Variants in PPFIA4 observed in about 807,000 individuals in gnomAD.
The protein encoded by PPFIA4 is PPFI scaffold protein A4.
Under a neutral mutation model 145.7 loss-of-function variants are expected in PPFIA4, and 98 were observed. That is an observed-to-expected ratio of 0.67 (90% CI 0.57 to 0.80). The LOEUF is 0.80. Ranked by LOEUF, PPFIA4 falls within the 30% of genes least tolerant of loss-of-function variation. The pLI is 0.00. For missense variants in PPFIA4, 1,457 were observed against 1,632.7 expected (o/e 0.89, Z 1.85); for synonymous variants, 628 against 649.6 (o/e 0.97, Z 0.51).
At chr1:203,059,670 T>C (rs1661224043) in intron 20 of PPFIA4, 100 bp from the exon 21 acceptor site, 2 of 940,234 alleles carry the variant, frequency 2.1e-6, no homozygotes, top group Non-Finnish European at 3.4e-6. Flanking sequence ...GGAGCAAGGG[T>C]TGTGGGTCTC....
In PPFIA4 at chr1:203,075,695, G is replaced by A. The variant is rs1381668960; in HGVS notation, c.3512G>A (p.Arg1171His). 5.4e-6 allele frequency: 8 copies of A among 1,485,926 alleles called. No individual in the cohort carries two copies. The highest frequency in any genetic ancestry group is 4.7e-5 in the Admixed American group (2 of 42,188). The allele number at this position is 1,485,926 out of a possible 1,614,324, so 92.0% of individuals were successfully genotyped here. The change falls in exon 29 of 30, where the codon CGT (arginine) becomes CAT (histidine). Residue 1171 changes from arginine (R) to histidine (H), a missense_variant. Coordinates refer to ENST00000295706, the MANE Select transcript of PPFIA4 (RefSeq NM_001304331.2). This position sits in a 1 kb window ranked among gnomAD's most constrained non-coding sequence, Gnocchi z 4.1. ...ASAETLPAGF[R>H]VSTLGTLQPP... ...GCGGAGACCCTCCCGGCGGGCTTCC[G>A]TGTGTCCACCCTGGGGACCCTGCAG...
intron 29 of PPFIA4, 23 bp from the exon 30 acceptor site, chr1:203,076,318 G>A (rs746267826): frequency 8.7e-6 from 14 of 1,600,624 alleles, no homozygotes; most frequent in Non-Finnish European, 1.2e-5. Context: ...ACAGTGCGAT[G>A]CCTGTCTCTC....
Position 203,066,169 on chromosome 1 carries a change from T to C in PPFIA4, c.3051-1526T>C, listed in dbSNP as rs189734815. On this transcript the variant is annotated intron_variant, in intron 25 of 29. Coordinates refer to ENST00000295706, the MANE Select transcript of PPFIA4 (RefSeq NM_001304331.2). ...GGACTGAAAATTATAGTGAGTGAGA[T>C]TGAAATTAGACAGAAGGCATTTCCA... 6.6e-5 allele frequency among the ~76,000 whole-genome samples: 10 copies of C among 152,292 alleles called. No homozygotes were observed. In the East Asian group the frequency reaches 1.7e-3, roughly 26 times the overall value.
intron 24 of PPFIA4, 138 bp from the exon 25 acceptor site, chr1:203,063,690 C>G: frequency 1.3e-6 from 1 of 786,842 alleles, no homozygotes; most frequent in Non-Finnish European, 2.1e-6. Flanking sequence ...TGAAGATAAA[C>G]TGAAATTGTA....
In PPFIA4 at chr1:203,060,075, G is replaced by T; in HGVS notation, c.2584-142G>T. On this transcript the variant is annotated intron_variant, in intron 21 of 29. Transcript: ENST00000295706. The surrounding 1 kb of genome is among the most constrained non-coding windows in gnomAD (Gnocchi z 4.8). Reference sequence around the variant, plus strand: ...AATCTGTAAAATGGGAGAGTGAGGGGTTTGATGACCGCCACATTCCTATGA... The same window carrying T: ...AATCTGTAAAATGGGAGAGTGAGGGTTTTGATGACCGCCACATTCCTATGA... 1.2e-6 allele frequency: 1 copy of T among 830,810 alleles called. No homozygotes were observed. Among genetic ancestry groups the T allele is most frequent in the East Asian group, 2.7e-5 (1 of 37,440 alleles). 51.5% of individuals were successfully genotyped at this position (830,810 alleles called of 1,614,324 possible).
intron 19 of PPFIA4, among the ~76,000 whole-genome samples, chr1:203,058,235 G>A (rs1661113899): frequency 1.3e-5 from 2 of 152,158 alleles, no homozygotes; most frequent in Non-Finnish European, 2.9e-5. Flanking sequence ...GCGAGGAGGA[G>A]GTTGGGGAAA....
At position 203,046,252 on chromosome 1, in the gene PPFIA4, A is replaced by G; in HGVS notation, c.1010A>G (p.Glu337Gly). 1 of 1,591,030 alleles carries G rather than the reference A, an allele frequency of 6.3e-7. No homozygotes were observed. The highest frequency in any genetic ancestry group is 8.6e-7 in the Non-Finnish European group (1 of 1,169,514). The change falls in exon 9 of 30, where the codon GAG becomes GGG. Residue 337 changes from glutamate to glycine, a missense_variant. This residue lies in a region of PPFIA4 where 463 missense variants were observed against 459.8 expected (regional missense o/e 1.01). Transcript: ENST00000295706. ...TCACCACCCCCACATTGCTAGTGTG[A>G]GGAGAAGGCCCGACACCTGCAGGAG... ...ANKESLHRQC[E>G]EKARHLQELL...
chr1:203,063,443 C>T (rs1457605689), intron 24 of PPFIA4: 1 of 192,688 alleles, frequency 5.2e-6, no homozygotes, highest in Non-Finnish European at 1.1e-5. Flanking sequence ...GTAACACAGC[C>T]TCTCCCCTGG....
At chr1:203,052,047 C>CCCG (rs1553257058) in intron 14 of PPFIA4, among the ~76,000 whole-genome samples, 170 bp downstream of exon 14, 1 of 133,788 alleles carries the variant, frequency 7.5e-6, no homozygotes, top group Non-Finnish European at 1.6e-5. Flanking sequence ...ACAGCTGTGC[C>CCCG]CCCCCCCCCG....
Position 203,068,332 on chromosome 1 carries a change from TG to T in PPFIA4, c.3149-116del. The T allele has an allele frequency of 2.4e-6, 2 of 816,348 alleles. No individual in the cohort carries two copies. The highest frequency in any genetic ancestry group is 1.8e-6 in the Non-Finnish European group (1 of 558,868). 50.6% of individuals were successfully genotyped at this position (816,348 alleles called of 1,614,324 possible). ...AAGATATGGAAATTTAGGGATGGAG[TG>T]GGGGTCAGAGAGCAGGGTGGACTGC... On this transcript the variant is annotated intron_variant, in intron 26 of 29. Coordinates refer to ENST00000295706, the MANE Select transcript of PPFIA4 (RefSeq NM_001304331.2). This position sits in a 1 kb window ranked among gnomAD's most constrained non-coding sequence, Gnocchi z 4.7.
At chr1:203,044,236 GT>G in intron 4 of PPFIA4, 141 bp downstream of exon 4, 1 of 1,179,056 alleles carries the variant, frequency 8.5e-7, no homozygotes, top group Non-Finnish European at 1.2e-6. Flanking sequence ...AGGTCCTCCT[GT>G]TAGGCTCCCT....
rs1164457652 is a variant in PPFIA4, at chr1:203,056,936, G to A, written c.2393G>A (p.Gly798Glu). 3.1e-6 allele frequency: 5 copies of A among 1,614,050 alleles called. No homozygotes were observed. Among genetic ancestry groups the A allele is most frequent in the South Asian group, 1.1e-5 (1 of 91,088 alleles). Residue 798 changes from glycine to glutamate, a missense_variant, in exon 19 of 30, where the codon GGA becomes GAA. Around this residue, in one of 3 missense-constraint regions of PPFIA4, gnomAD observed 848 missense variants for 1,046.7 expected, o/e 0.81. Transcript: ENST00000295706. ...KGRLIQLSRD[G>E]ATGHVLLTDS... The stretch of plus-strand genomic sequence containing the variant: ...AGGCTGATCCAGCTGAGTCGGGATG[G>A]AGCCACAGGCCATGGTCTCTGTCCC...
At chr1:203,057,989 A>G (rs1661091383) in intron 19 of PPFIA4, among the ~76,000 whole-genome samples, 1 of 151,834 alleles carries the variant, frequency 6.6e-6, no homozygotes, top group Non-Finnish European at 1.5e-5. Context: ...CGGAGTGGGG[A>G]GATGGGACTG....
intron 9 of PPFIA4, among the ~76,000 whole-genome samples, chr1:203,047,263 GA>G (rs1453334224): frequency 6.6e-6 from 1 of 152,060 alleles, no homozygotes. Flanking sequence ...TGCGACCTGG[GA>G]AAAGTCATCC....
At position 203,044,059 on chromosome 1, in the gene PPFIA4, G is replaced by A; in HGVS notation, c.465G>A (p.Lys155=). 2 of 1,609,586 alleles carry A rather than the reference G, an allele frequency of 1.2e-6. No homozygotes were observed. The highest frequency in any genetic ancestry group is 1.1e-5 in the South Asian group (1 of 90,696). Residue 155 remains lysine, a synonymous_variant, in exon 4 of 30, where the codon AAG becomes AAA. Transcript: ENST00000295706. ...SSEVEVLKAL[K]SLFEHHKALD... ...AGGTGGAGGTGCTGAAGGCCCTCAA[G>A]TCACTGTTTGAGCACCACAAGGCCC...
chr1:203,061,222 G>A (rs71635602), intron 23 of PPFIA4, 190 bp downstream of exon 23: 34 of 619,978 alleles, frequency 5.5e-5, no homozygotes, highest in Non-Finnish European at 5.7e-6. Context: ...GAGCGGAGCA[G>A]TTTGTATGTG....
Position 203,060,336 on chromosome 1 carries a change from C to T in PPFIA4, c.2703C>T (p.Ala901=). ...EIQREIGISN[A]LHRLKLRLAI... is the part of the protein sequence containing the mutation. ...AGCGGGAGATCGGCATCAGCAATGCCCTGCACCGGCTCAAGCTCCGCCTGG... is the reference window on the plus strand; with the variant it reads ...AGCGGGAGATCGGCATCAGCAATGCTCTGCACCGGCTCAAGCTCCGCCTGG... The change falls in exon 22 of 30, where the codon GCC becomes GCT. Residue 901 remains alanine (A), a synonymous_variant. Coordinates refer to ENST00000295706, the MANE Select transcript of PPFIA4 (RefSeq NM_001304331.2). This position sits in a 1 kb window ranked among gnomAD's most constrained non-coding sequence, Gnocchi z 4.8. 1 of 1,614,040 alleles carries T rather than the reference C, an allele frequency of 6.2e-7. No homozygotes were observed. The highest frequency in any genetic ancestry group is 8.5e-7 in the Non-Finnish European group (1 of 1,179,924).
chr1:203,060,197 C>G lies in PPFIA4; in HGVS notation c.2584-20C>G, dbSNP rs1310321015. The G allele has an allele frequency of 1.9e-6, 3 of 1,611,966 alleles. No homozygotes were observed. Among genetic ancestry groups the G allele is most frequent in the African/African-American group, 2.7e-5 (2 of 74,884 alleles). ...TAGGGCCCAGGCCTTGAATTACCTC[C>G]CTGTGCCCGGTGTCTGCAGCTCTGG... is the stretch of plus-strand genomic sequence containing the variant. On this transcript the variant is annotated intron_variant, in intron 21 of 29. Coordinates refer to ENST00000295706, the MANE Select transcript of PPFIA4 (RefSeq NM_001304331.2). This position sits in a 1 kb window ranked among gnomAD's most constrained non-coding sequence, Gnocchi z 4.8.
At chr1:203,030,983 T>C (rs1658785568) in intron 1 of PPFIA4, among the ~76,000 whole-genome samples, 1 of 152,250 alleles carries the variant, frequency 6.6e-6, no homozygotes, top group Non-Finnish European at 1.5e-5. Context: ...CTACTTGCTC[T>C]CATGCCTGTG....
Sources: allele counts gnomAD v4.1 joint callset (sites outside exome capture counted in the v4.1 genomes callset), GRCh38; gene constraint gnomAD v4.1.1; regional missense constraint gnomAD v4.1.1; non-coding constraint Gnocchi (gnomAD v3.1); transcripts MANE v1.5; gene names NCBI Gene and HGNC (gene_info 2026-07-23, HGNC 2026-07-21).